The following COMMD10 variants were observed in gnomAD, a reference collection of about 807,000 sequenced individuals.
The protein encoded by COMMD10 is COMM domain-containing protein 10.
In COMMD10, 33 loss-of-function variants were observed where a neutral mutation model predicts 28.9. The ratio of observed to expected loss-of-function variants is 1.14; its 90% CI spans 0.87 to 1.53. The LOEUF is 1.53. Among genes scored for constraint, COMMD10 ranks in the 40% most tolerant of loss-of-function variants. COMMD10 has a pLI of 0.00. For missense variants in COMMD10, 310 were observed against 233.4 expected (o/e 1.33, Z -2.14); for synonymous variants, 110 against 81.7 (o/e 1.35, Z -1.87).
intron 1 of COMMD10, 158 bp downstream of exon 1, chr5:116,085,251 G>C (rs1024286398): frequency 2.9e-6 from 2 of 689,786 alleles, no homozygotes; most frequent in East Asian, 5.7e-5. Flanking sequence ...CGCTGCGTCT[G>C]CGGAGTGCGT....
intron 5 of COMMD10, among the ~76,000 whole-genome samples, chr5:116,261,537 G>A (rs253960): frequency 0.1 from 15,653 of 151,650 alleles, 1,023 homozygotes; most frequent in East Asian, 0.24. Flanking sequence ...CTAAAAACAT[G>A]TTACCATGAC....
At chr5:116,261,668 G>A (rs893395724) in intron 5 of COMMD10, among the ~76,000 whole-genome samples, 4 of 151,430 alleles carry the variant, frequency 2.6e-5, no homozygotes, top group Non-Finnish European at 4.4e-5. Flanking sequence ...GCATATTTTT[G>A]CATATGTACA....
At chr5:116,125,650 A>G (rs536630614) in intron 4 of COMMD10, among the ~76,000 whole-genome samples, 1 of 152,080 alleles carries the variant, frequency 6.6e-6, no homozygotes, top group Admixed American at 6.6e-5. Context: ...AGTGTTTTCC[A>G]ACTTGGTTCC....
intron 5 of COMMD10, among the ~76,000 whole-genome samples, chr5:116,149,300 G>A (rs1752438545): frequency 7.0e-6 from 1 of 143,572 alleles, no homozygotes; most frequent in Admixed American, 6.9e-5. Context: ...ATTGTGAATA[G>A]TGCCGCAATA....
At chr5:116,144,615 T>C (rs1379553551) in intron 5 of COMMD10, among the ~76,000 whole-genome samples, 1 of 151,804 alleles carries the variant, frequency 6.6e-6, no homozygotes, top group African/African-American at 2.4e-5. Flanking sequence ...TATTTCAAGA[T>C]GGAGGGCAGT....
At chr5:116,227,015 A>G (rs944619156) in intron 5 of COMMD10, among the ~76,000 whole-genome samples, 1 of 151,628 alleles carries the variant, frequency 6.6e-6, no homozygotes, top group African/African-American at 2.4e-5. Context: ...TTACTGCTCC[A>G]TTGTATACTG....
chr5:116,120,828 A>G (rs556843827), intron 4 of COMMD10, among the ~76,000 whole-genome samples: 3 of 151,064 alleles, frequency 2.0e-5, no homozygotes, highest in African/African-American at 7.3e-5. Flanking sequence ...CTGTTTGTGG[A>G]TATCTGGGCT....
At chr5:116,145,835 G>A (rs1752333051) in intron 5 of COMMD10, among the ~76,000 whole-genome samples, 1 of 151,884 alleles carries the variant, frequency 6.6e-6, no homozygotes, top group Admixed American at 6.6e-5. Context: ...TTAAGAAGAA[G>A]GTGTCTTGCT....
chr5:116,232,244 G>T (rs1190608238), intron 5 of COMMD10, among the ~76,000 whole-genome samples: 1 of 151,976 alleles, frequency 6.6e-6, no homozygotes, highest in Non-Finnish European at 1.5e-5. Context: ...GGCTTACTGG[G>T]TTATGATTTT....
intron 5 of COMMD10, among the ~76,000 whole-genome samples, chr5:116,254,549 T>C (rs984158430): frequency 6.6e-6 from 1 of 151,236 alleles, no homozygotes; most frequent in Non-Finnish European, 1.5e-5. Context: ...CTTCATTTCG[T>C]TATGTACCCA....
At chr5:116,234,745 A>G (rs150815374) in intron 5 of COMMD10, among the ~76,000 whole-genome samples, 1,733 of 152,302 alleles carry the variant, frequency 0.011, 13 homozygotes, top group Non-Finnish European at 0.016. Flanking sequence ...AAAACATCCA[A>G]TTGGATAATT....
rs777005574 is a variant in COMMD10 at position 116,134,079 on chromosome 5, T to C, written c.411T>C (p.Val137=). ...CCTGTCTTTTATAGCTAGAGACCGT[T>C]GGATGGCAGCTTAACCTTCAGATGG... The part of the protein sequence containing the change: ...RILAPCKLET[V]GWQLNLQMAH... The change falls in exon 5 of 7, where the codon GTT becomes GTC. Residue 137 remains valine, a synonymous_variant. Coordinates refer to ENST00000274458, the MANE Select transcript of COMMD10 (RefSeq NM_016144.4). 1.3e-6 allele frequency: 2 copies of C among 1,597,654 alleles called. No homozygotes were observed. The highest frequency in any genetic ancestry group is 1.7e-6 in the Non-Finnish European group (2 of 1,164,652).
intron 5 of COMMD10, among the ~76,000 whole-genome samples, chr5:116,139,593 CTT>C (rs33975864): frequency 6.7e-6 from 1 of 148,176 alleles, no homozygotes. Flanking sequence ...CTGCATTTTC[CTT>C]TTTTTTTTCA....
At chr5:116,273,422 G>A (rs1750810234) in intron 5 of COMMD10, among the ~76,000 whole-genome samples, 1 of 151,786 alleles carries the variant, frequency 6.6e-6, no homozygotes, top group South Asian at 2.1e-4. Flanking sequence ...CAAGATAGAA[G>A]ATGTCTTCGA....
chr5:116,203,704 A>T (rs56327109), intron 5 of COMMD10, among the ~76,000 whole-genome samples: 1 of 152,000 alleles, frequency 6.6e-6, no homozygotes, highest in Non-Finnish European at 1.5e-5. Flanking sequence ...AGATTTTGTC[A>T]CCACCAGGCC....
intron 5 of COMMD10, among the ~76,000 whole-genome samples, chr5:116,160,083 A>C (rs1031927654): frequency 4.6e-5 from 7 of 152,190 alleles, no homozygotes; most frequent in African/African-American, 1.7e-4. Flanking sequence ...GTCCATTTCA[A>C]GTGCAGTGGG....
chr5:116,148,038 T>C (rs532199510), intron 5 of COMMD10, among the ~76,000 whole-genome samples: 1 of 151,980 alleles, frequency 6.6e-6, no homozygotes, highest in Admixed American at 6.6e-5. Context: ...ATTTCTTTTT[T>C]TGGTAAATAT....
chr5:116,116,456 G>C (rs1561609683), intron 4 of COMMD10, among the ~76,000 whole-genome samples: 2 of 152,168 alleles, frequency 1.3e-5, no homozygotes, highest in African/African-American at 2.4e-5. Context: ...ATATCTGAGA[G>C]CTTCTTCAAG....
intron 5 of COMMD10, among the ~76,000 whole-genome samples, chr5:116,215,247 A>G (rs1749065714): frequency 6.6e-6 from 1 of 152,112 alleles, no homozygotes; most frequent in South Asian, 2.1e-4. Flanking sequence ...AGAAATGAAT[A>G]GTTGTATAGT....
Sources: allele counts gnomAD v4.1 joint callset (sites outside exome capture counted in the v4.1 genomes callset), GRCh38; gene constraint gnomAD v4.1.1; transcripts MANE v1.5; gene names NCBI Gene and HGNC (gene_info 2026-07-23, HGNC 2026-07-21).